Variants in CSNK2A1 observed in about 807,000 individuals in gnomAD.
CSNK2A1 encodes the protein casein kinase 2 alpha 1.
Under a neutral mutation model 62.9 loss-of-function variants are expected in CSNK2A1, and 10 were observed. The ratio of observed to expected loss-of-function variants is 0.16; its 90% CI spans 0.10 to 0.27. The LOEUF (loss-of-function observed/expected upper bound fraction) is 0.27, where lower values mean the gene tolerates loss of function less well. CSNK2A1 is among the 10% of genes least tolerant of loss of function. The pLI, the probability that CSNK2A1 is intolerant of heterozygous loss-of-function variation, is 1.00. For missense variants in CSNK2A1, 160 were observed against 492.0 expected, an observed-to-expected ratio of 0.33 and a Z score of 6.38; for synonymous variants, 124 against 167.8, an observed-to-expected ratio of 0.74 and a Z score of 2.02.
intron 3 of CSNK2A1, 78 bp downstream of exon 3, chr20:508,373 T>G: frequency 1.3e-6 from 2 of 1,518,638 alleles, no homozygotes; most frequent in South Asian, 2.4e-5. Flanking sequence ...CACGGAGGTT[T>G]TCTGACAAAA....
At chr20:523,858 C>CA (rs11401840) in intron 2 of CSNK2A1, among the ~76,000 whole-genome samples, 7,936 of 44,480 alleles carry the variant, frequency 0.18, 841 homozygotes, top group Non-Finnish European at 0.21. Context: ...GACTCCATCT[C>CA]AAAAAAAAAA....
At position 520,268 on chromosome 20, in the gene CSNK2A1, T is replaced by C. The variant is rs556675791; in HGVS notation, c.-110+7665A>G. 2.0e-5 allele frequency among the ~76,000 whole-genome samples: 3 copies of C among 152,094 alleles called. No homozygotes were observed. The South Asian group carries it at 6.2e-4, about 32-fold the overall frequency. ...AAGAAATCCAAATGAACCAGAATAA[T>C]CCAAACAATTCTGAAAAATAATAAA... is the stretch of plus-strand genomic sequence containing the variant. On this transcript the variant is annotated intron_variant, in intron 2 of 13. Coordinates refer to ENST00000217244, the MANE Select transcript of CSNK2A1 (RefSeq NM_177559.3).
intron 2 of CSNK2A1, among the ~76,000 whole-genome samples, chr20:512,429 G>GT (rs796984456): frequency 5.5e-4 from 83 of 152,064 alleles, no homozygotes; most frequent in African/African-American, 2.0e-3. Flanking sequence ...TAACTATACT[G>GT]TTTTTTTGTT....
At chr20:497,839 C>G (rs2018377037) in intron 6 of CSNK2A1, 59 bp from the exon 7 acceptor site, 2 of 1,494,244 alleles carry the variant, frequency 1.3e-6, no homozygotes, top group Non-Finnish European at 1.9e-6. Flanking sequence ...ATTTTTCACC[C>G]TCACTCACAG....
chr20:539,619 A>G (rs1490894470), intron 1 of CSNK2A1: 1 of 152,184 alleles, frequency 6.6e-6, no homozygotes, highest in Non-Finnish European at 1.5e-5. Context: ...TCTACTTAAC[A>G]TATTCATGTT....
intron 1 of CSNK2A1, among the ~76,000 whole-genome samples, chr20:535,368 A>C (rs565623721): frequency 7.4e-4 from 112 of 152,368 alleles, no homozygotes; most frequent in Non-Finnish European, 1.1e-3. Flanking sequence ...TTGAATACTT[A>C]ATTGCTAGGC....
intron 2 of CSNK2A1, among the ~76,000 whole-genome samples, chr20:525,742 G>A (rs1054650512): frequency 8.6e-5 from 13 of 150,902 alleles, no homozygotes; most frequent in Admixed American, 2.0e-4. Context: ...GGAGGCTGAG[G>A]CCAAGGTGTG....
Position 543,713 on chromosome 20 carries a change from G to A in CSNK2A1, c.-268C>T. ...AGCGGCGGCGGCCGCTCTCCCCTCT[G>A]CTCACACAGACAATATGGCGGCGAT... On this transcript the variant is annotated 5_prime_UTR_variant, in exon 1 of 14. Coordinates refer to ENST00000217244, the MANE Select transcript of CSNK2A1 (RefSeq NM_177559.3). 2 of 398,436 alleles carry A rather than the reference G, an allele frequency of 5.0e-6. No individual in the cohort carries two copies. The highest frequency in any genetic ancestry group is 1.3e-4 in the South Asian group (1 of 7,764). 24.7% of individuals were successfully genotyped at this position (398,436 alleles called of 1,614,324 possible).
At position 508,494 on chromosome 20, in the gene CSNK2A1, G is replaced by A; in HGVS notation, c.58C>T (p.Pro20Ser). 6.2e-7 allele frequency: 1 copy of A among 1,614,152 alleles called. No homozygotes were observed. Among genetic ancestry groups the A allele is most frequent in the Non-Finnish European group, 8.5e-7 (1 of 1,180,016 alleles). ...GACTCGTAATCCCAGTATTCTCGAG[G>A]TCTGTGTGTATTAACATCTGTGTAA... ...RVYTDVNTHR[P>S]REYWDYESHV... Residue 20 changes from proline to serine, a missense_variant, in exon 3 of 14, where the codon CCT becomes TCT. Coordinates refer to ENST00000217244, the MANE Select transcript of CSNK2A1 (RefSeq NM_177559.3).
chr20:525,233 C>T (rs1216853342), intron 2 of CSNK2A1, among the ~76,000 whole-genome samples: 1 of 151,850 alleles, frequency 6.6e-6, no homozygotes, highest in Non-Finnish European at 1.5e-5. Flanking sequence ...AAACTTAGGC[C>T]AGGTGTGGTT....
intron 2 of CSNK2A1, among the ~76,000 whole-genome samples, chr20:515,605 T>A (rs2018813392): frequency 6.6e-6 from 1 of 152,092 alleles, no homozygotes; most frequent in South Asian, 2.1e-4. Context: ...CAGAACACAA[T>A]CACTTTCTAC....
chr20:515,840 G>A (rs900122229), intron 2 of CSNK2A1, among the ~76,000 whole-genome samples: 1 of 152,118 alleles, frequency 6.6e-6, no homozygotes, highest in African/African-American at 2.4e-5. Flanking sequence ...CAAAGTATAG[G>A]GTGTTCCTAA....
In CSNK2A1 at chr20:499,161, A is replaced by C; in HGVS notation, c.366+94T>G. The C allele has an allele frequency of 8.8e-7, 1 of 1,138,584 alleles. No individual in the cohort carries two copies. The highest frequency in any genetic ancestry group is 1.2e-6 in the Non-Finnish European group (1 of 840,526). 70.5% of individuals were successfully genotyped at this position (1,138,584 alleles called of 1,614,324 possible). ...TGTAAGGATGAAAAGCTTTTTAAAA[A>C]CAAATGCGAAGCAAGCTCTTCTAAC... On this transcript the variant is annotated intron_variant, in intron 6 of 13. Transcript: ENST00000217244. The surrounding 1 kb of genome is among the most constrained non-coding windows in gnomAD (Gnocchi z 4.2).
intron 1 of CSNK2A1, among the ~76,000 whole-genome samples, chr20:536,525 C>T (rs970795190): frequency 2.0e-5 from 3 of 152,204 alleles, no homozygotes; most frequent in East Asian, 1.9e-4. Context: ...AGTTGTTATC[C>T]GAACTGTAGA....
Position 526,476 on chromosome 20 carries a change from G to A in CSNK2A1, c.-110+1457C>T, listed in dbSNP as rs536333836. Among the ~76,000 whole-genome samples, 17 of 151,754 alleles carry A rather than the reference G, an allele frequency of 1.1e-4. No individual in the cohort carries two copies. In the South Asian group the frequency reaches 3.1e-3, roughly 28 times the overall value. ...ATTGTTTTTAATAATAAAAACAATG[G>A]AAAAAATTAGCTGAGTCCCAGCTAC... is the stretch of plus-strand genomic sequence containing the variant. On this transcript the variant is annotated intron_variant, in intron 2 of 13. Transcript: ENST00000217244.
chr20:520,080 A>G (rs1170632899), intron 2 of CSNK2A1, among the ~76,000 whole-genome samples: 1 of 152,184 alleles, frequency 6.6e-6, no homozygotes, highest in East Asian at 1.9e-4. Context: ...TAAAATCATA[A>G]AAAGAATCCA....
chr20:528,473 G>A (rs2122634299), intron 1 of CSNK2A1, among the ~76,000 whole-genome samples: 1 of 152,264 alleles, frequency 6.6e-6, no homozygotes, highest in East Asian at 1.9e-4. Context: ...GTCTTGCTCT[G>A]TCACCCAGGG....
intron 3 of CSNK2A1, chr20:505,940 T>G (rs1015530666): frequency 6.9e-6 from 1 of 144,876 alleles, no homozygotes. Flanking sequence ...AGTGGCGTGA[T>G]CTCGGCTCGC....
chr20:540,710 C>T (rs1416362899), intron 1 of CSNK2A1: 2 of 152,182 alleles, frequency 1.3e-5, no homozygotes, highest in African/African-American at 4.8e-5. Context: ...CTGCCACTTT[C>T]ATTTTTAGGT....
Sources: allele counts gnomAD v4.1 joint callset (sites outside exome capture counted in the v4.1 genomes callset), GRCh38; gene constraint gnomAD v4.1.1; non-coding constraint Gnocchi (gnomAD v3.1); transcripts MANE v1.5; gene names NCBI Gene and HGNC (gene_info 2026-07-23, HGNC 2026-07-21).